Variants in SGCZ observed in about 807,000 individuals in gnomAD.
SGCZ encodes zeta-sarcoglycan.
SGCZ carries 40 observed loss-of-function variants against 41.3 expected under a neutral mutation model. The ratio of observed to expected loss-of-function variants is 0.97; its 90% CI spans 0.75 to 1.26. The LOEUF (loss-of-function observed/expected upper bound fraction) is 1.26. SGCZ is among the 50% of genes most tolerant of loss of function. SGCZ has a pLI of 0.00. For synonymous variants in SGCZ, 206 were observed against 137.5 expected, an observed-to-expected ratio of 1.50 and a Z score of -3.49; for missense variants, 552 against 369.8, an observed-to-expected ratio of 1.49 and a Z score of -4.04.
chr8:14,576,571 T>G (rs1416352926), intron 1 of SGCZ, among the ~76,000 whole-genome samples: 1 of 152,224 alleles, frequency 6.6e-6, no homozygotes, highest in African/African-American at 2.4e-5. Context: ...TGATTTTATA[T>G]CCCTGATGCA....
intron 4 of SGCZ, among the ~76,000 whole-genome samples, chr8:14,234,265 G>A (rs17118836): frequency 0.23 from 34,576 of 151,856 alleles, 4,895 homozygotes; most frequent in South Asian, 0.41. Context: ...CTATCAGTGA[G>A]TCAGGATTAG....
chr8:14,887,082 G>A (rs903815006), intron 1 of SGCZ, among the ~76,000 whole-genome samples: 6 of 151,982 alleles, frequency 3.9e-5, no homozygotes, highest in Non-Finnish European at 4.4e-5. Flanking sequence ...TTGAAGGAGG[G>A]CCAAGACTGT....
At chr8:14,584,551 T>A (rs1804999310) in intron 1 of SGCZ, among the ~76,000 whole-genome samples, 1 of 152,046 alleles carries the variant, frequency 6.6e-6, no homozygotes, top group Non-Finnish European at 1.5e-5. Flanking sequence ...AAACGTGACA[T>A]GAGGAAACAA....
chr8:14,546,664 G>T (rs1803637972), intron 2 of SGCZ, among the ~76,000 whole-genome samples: 1 of 152,064 alleles, frequency 6.6e-6, no homozygotes, highest in South Asian at 2.1e-4. Context: ...AGGGTATTAA[G>T]ATATCTTTTG....
chr8:14,723,925 T>C (rs909057474), intron 1 of SGCZ, among the ~76,000 whole-genome samples: 1 of 152,018 alleles, frequency 6.6e-6, no homozygotes, highest in Non-Finnish European at 1.5e-5. Flanking sequence ...AACACACAGG[T>C]CATTGAAGCA....
At chr8:14,314,345 T>G (rs1801647485) in intron 3 of SGCZ, among the ~76,000 whole-genome samples, 1 of 152,128 alleles carries the variant, frequency 6.6e-6, no homozygotes, top group East Asian at 1.9e-4. Context: ...TACTTTCTTC[T>G]AAGGTTGCAG....
At chr8:15,190,462 AG>A (rs1334150153) in intron 1 of SGCZ, among the ~76,000 whole-genome samples, 1 of 152,148 alleles carries the variant, frequency 6.6e-6, no homozygotes, top group East Asian at 1.9e-4. Flanking sequence ...GTGACAGTCT[AG>A]TCAGAGAAAT....
intron 1 of SGCZ, among the ~76,000 whole-genome samples, chr8:15,045,616 C>G (rs975299926): frequency 3.3e-5 from 5 of 152,062 alleles, no homozygotes; most frequent in Non-Finnish European, 2.9e-5. Flanking sequence ...CAGCAAAGCA[C>G]ATTTGTTTAT....
chr8:15,164,985 ATG>A (rs1349830215), intron 1 of SGCZ, among the ~76,000 whole-genome samples: 28 of 152,002 alleles, frequency 1.8e-4, no homozygotes, highest in African/African-American at 6.5e-4. Context: ...GTACTGTGTG[ATG>A]TGTGTCAAAA....
intron 1 of SGCZ, among the ~76,000 whole-genome samples, chr8:14,988,517 A>C (rs2130890150): frequency 6.6e-6 from 1 of 152,176 alleles, no homozygotes; most frequent in South Asian, 2.1e-4. Flanking sequence ...GATTGAGAAT[A>C]GTGTTTTCCT....
At chr8:14,594,198 A>C (rs1805333111) in intron 1 of SGCZ, among the ~76,000 whole-genome samples, 1 of 139,958 alleles carries the variant, frequency 7.1e-6, no homozygotes, top group Non-Finnish European at 1.6e-5. Context: ...ATAAATAAAT[A>C]AATAAATAAA....
At position 14,478,322 on chromosome 8, in the gene SGCZ, A is replaced by G. The variant is rs374420416; in HGVS notation, c.234+76410T>C. On this transcript the variant is annotated intron_variant, in intron 2 of 7. Coordinates refer to ENST00000382080, the MANE Select transcript of SGCZ (RefSeq NM_139167.4). ...TAGGTAAATGGATAAACTGTAACAC[A>G]CTCAGATAATGAAATAGTATTCAGC... Among the ~76,000 whole-genome samples, 8 of 152,320 alleles carry G rather than the reference A, an allele frequency of 5.3e-5. No individual in the cohort carries two copies. The South Asian group carries it at 1.0e-3, about 20-fold the overall frequency.
At chr8:14,897,563 C>T (rs1400009152) in intron 1 of SGCZ, among the ~76,000 whole-genome samples, 1 of 152,174 alleles carries the variant, frequency 6.6e-6, no homozygotes, top group Non-Finnish European at 1.5e-5. Context: ...AATCATTGTA[C>T]AGGTCTAGTG....
chr8:14,440,899 G>C (rs1800241814), intron 2 of SGCZ, among the ~76,000 whole-genome samples: 1 of 151,584 alleles, frequency 6.6e-6, no homozygotes, highest in Admixed American at 6.6e-5. Context: ...GTAAGACTAG[G>C]GGTTTACGTA....
chr8:14,232,048 T>C (rs1402099529), intron 4 of SGCZ, among the ~76,000 whole-genome samples: 2 of 151,904 alleles, frequency 1.3e-5, no homozygotes, highest in East Asian at 3.9e-4. Context: ...AGACATTGAC[T>C]CAAAAAATAC....
At chr8:15,149,067 T>G (rs1156554572) in intron 1 of SGCZ, among the ~76,000 whole-genome samples, 1 of 152,188 alleles carries the variant, frequency 6.6e-6, no homozygotes, top group Non-Finnish European at 1.5e-5. Flanking sequence ...GAGGGAATTC[T>G]GTAAGTGTCT....
At chr8:14,327,549 CA>C (rs1392750634) in intron 2 of SGCZ, among the ~76,000 whole-genome samples, 2 of 152,074 alleles carry the variant, frequency 1.3e-5, no homozygotes, top group African/African-American at 4.8e-5. Flanking sequence ...ATTCCCATTT[CA>C]ATATTAATAC....
At chr8:14,398,545 G>C (rs1798981355) in intron 2 of SGCZ, among the ~76,000 whole-genome samples, 1 of 152,124 alleles carries the variant, frequency 6.6e-6, no homozygotes, top group Non-Finnish European at 1.5e-5. Context: ...GTTTATTTGG[G>C]GTAAGGTTGA....
At position 14,720,489 on chromosome 8, in the gene SGCZ, C is replaced by A. The variant is rs184728058; in HGVS notation, c.40-165563G>T. On this transcript the variant is annotated intron_variant, in intron 1 of 7. Transcript: ENST00000382080. ...TTATTAAACAAAACACTTTACAAAA[C>A]CTGTTACAGCTCATCATTAACCTAA... Among the ~76,000 whole-genome samples, 455 of 152,122 alleles carry A rather than the reference C, an allele frequency of 3.0e-3. 8 individuals are homozygous for A. The highest frequency in any genetic ancestry group is 1.4e-3 in the Non-Finnish European group (92 of 67,992).
Sources: allele counts gnomAD v4.1 joint callset (sites outside exome capture counted in the v4.1 genomes callset), GRCh38; gene constraint gnomAD v4.1.1; transcripts MANE v1.5; gene names NCBI Gene and HGNC (gene_info 2026-07-23, HGNC 2026-07-21).